ASB3: variants seen among roughly 807,000 people sequenced by gnomAD.
The protein encoded by ASB3 is ankyrin repeat and SOCS box protein 3.
A neutral mutation model predicts 54.5 loss-of-function variants in ASB3; 41 were observed. The observed-to-expected ratio is 0.75, with a 90% CI of 0.59 to 0.98. The LOEUF (loss-of-function observed/expected upper bound fraction) is 0.98, where lower values mean the gene tolerates loss of function less well. Among genes scored for constraint, ASB3 ranks in the 50% least tolerant of loss-of-function variants. ASB3 has a pLI of 0.00. For synonymous variants in ASB3, 266 were observed against 221.2 expected, an observed-to-expected ratio of 1.20 and a Z score of -1.80; for missense variants, 733 against 620.0, an observed-to-expected ratio of 1.18 and a Z score of -1.94.
At chr2:53,775,628 A>G (rs1674286803) in intron 1 of ASB3, among the ~76,000 whole-genome samples, 1 of 152,182 alleles carries the variant, frequency 6.6e-6, no homozygotes, top group South Asian at 2.1e-4. Context: ...GGCATGTGCC[A>G]CCACGCCCGG....
intron 1 of ASB3, among the ~76,000 whole-genome samples, chr2:53,784,151 AATG>A (rs370779840): frequency 2.3e-4 from 35 of 152,366 alleles, no homozygotes; most frequent in African/African-American, 8.4e-4. Context: ...TTTTATAGCG[AATG>A]ATGATTGTAT....
chr2:53,684,832 A>T lies in ASB3; in HGVS notation c.1369+9052T>A, dbSNP rs565218916. Among the ~76,000 whole-genome samples, 78 of 152,342 alleles carry T rather than the reference A, an allele frequency of 5.1e-4. 1 individual carries two copies. In the South Asian group the frequency reaches 0.015, roughly 30 times the overall value. On this transcript the variant is annotated intron_variant, in intron 9 of 9. Transcript: ENST00000263634. ...AGACCCTTAATGTAGCCAATATGTA[A>T]AAGAGAGAGGAAATGGTTAGAAGAG...
At chr2:53,710,579 G>A (rs1372738514) in intron 7 of ASB3, among the ~76,000 whole-genome samples, 1 of 152,214 alleles carries the variant, frequency 6.6e-6, no homozygotes, top group African/African-American at 2.4e-5. Context: ...CATTGTGAAT[G>A]TTATGCTGTA....
intron 3 of ASB3, among the ~76,000 whole-genome samples, chr2:53,744,002 C>G (rs1318327161): frequency 1.3e-5 from 2 of 150,328 alleles, no homozygotes; most frequent in Non-Finnish European, 2.9e-5. Context: ...GAGATCGCAC[C>G]ACTGCACTCC....
At chr2:53,717,515 T>C (rs976812466) in intron 5 of ASB3, among the ~76,000 whole-genome samples, 8 of 151,868 alleles carry the variant, frequency 5.3e-5, no homozygotes, top group African/African-American at 1.5e-4. Flanking sequence ...AATAATATTA[T>C]AGTGAAAGAA....
chr2:53,699,344 G>A (rs1440641089), intron 8 of ASB3, among the ~76,000 whole-genome samples: 1 of 152,202 alleles, frequency 6.6e-6, no homozygotes, highest in Non-Finnish European at 1.5e-5. Flanking sequence ...AACCACAGCA[G>A]TAGGTATCAG....
intron 5 of ASB3, among the ~76,000 whole-genome samples, chr2:53,718,590 A>G (rs1191972008): frequency 6.6e-6 from 1 of 152,194 alleles, no homozygotes; most frequent in Non-Finnish European, 1.5e-5. Context: ...CAAAGACCCC[A>G]TAATACAATC....
intron 2 of ASB3, among the ~76,000 whole-genome samples, chr2:53,755,172 C>T (rs1005249126): frequency 9.2e-5 from 14 of 152,238 alleles, no homozygotes; most frequent in Admixed American, 8.5e-4. Flanking sequence ...AGGTCTTTCA[C>T]AACTTGTGAG....
At chr2:53,782,207 G>A (rs1345836261) in intron 1 of ASB3, among the ~76,000 whole-genome samples, 1 of 151,878 alleles carries the variant, frequency 6.6e-6, no homozygotes, top group Non-Finnish European at 1.5e-5. Flanking sequence ...AAAAACAATG[G>A]ATTACTCACT....
intron 2 of ASB3, among the ~76,000 whole-genome samples, chr2:53,764,560 T>C (rs1341957802): frequency 6.6e-6 from 1 of 152,226 alleles, no homozygotes; most frequent in East Asian, 1.9e-4. Context: ...GTTTTCTTCC[T>C]ACCCCCTCTA....
intron 7 of ASB3, among the ~76,000 whole-genome samples, chr2:53,701,180 G>T (rs1039469882): frequency 6.6e-6 from 1 of 151,856 alleles, no homozygotes; most frequent in African/African-American, 2.4e-5. Flanking sequence ...TCACTATGTT[G>T]CCCAGGCTGG....
At chr2:53,708,618 A>G (rs140782360) in intron 7 of ASB3, among the ~76,000 whole-genome samples, 1,744 of 152,304 alleles carry the variant, frequency 0.011, 31 homozygotes, top group African/African-American at 0.039. Flanking sequence ...CTCCCTGAAG[A>G]CTGGTTAAAT....
intron 5 of ASB3, among the ~76,000 whole-genome samples, chr2:53,723,921 AC>A (rs1055264156): frequency 1.2e-4 from 18 of 152,208 alleles, no homozygotes; most frequent in Admixed American, 1.1e-3. Flanking sequence ...TTCACTATAT[AC>A]AAAAATCAAC....
intron 9 of ASB3, among the ~76,000 whole-genome samples, chr2:53,672,114 A>G (rs537528439): frequency 5.3e-5 from 8 of 152,328 alleles, no homozygotes; most frequent in Admixed American, 1.3e-4. Flanking sequence ...TTACTAGTTT[A>G]GGTTTAGTTT....
In ASB3 at chr2:53,719,320, C is replaced by T. The variant is rs1163109216; in HGVS notation, c.605-2577G>A. 2.0e-5 allele frequency among the ~76,000 whole-genome samples: 3 copies of T among 152,298 alleles called. No individual in the cohort carries two copies. The East Asian group carries it at 5.8e-4, about 29-fold the overall frequency. On this transcript the variant is annotated intron_variant, in intron 5 of 9. Transcript: ENST00000263634. ...CCTATAAGCCCAGAGCTTTGAGAGG[C>T]CGAAGTATGACAGAGCAGGAGTATC...
intron 9 of ASB3, among the ~76,000 whole-genome samples, chr2:53,676,832 C>A (rs547952724): frequency 6.6e-6 from 1 of 152,180 alleles, no homozygotes. Flanking sequence ...TGCAGTGGCA[C>A]GATCTCAGCT....
chr2:53,754,186 T>C (rs1410358598), intron 2 of ASB3, among the ~76,000 whole-genome samples: 1 of 152,208 alleles, frequency 6.6e-6, no homozygotes, highest in East Asian at 1.9e-4. Flanking sequence ...TATTGGATTG[T>C]AACCTAAAGT....
Position 53,721,430 on chromosome 2 carries a change from A to ACATAGTGG in ASB3, c.605-4695_605-4688dup, listed in dbSNP as rs144523322. On this transcript the variant is annotated intron_variant, in intron 5 of 9. Coordinates refer to ENST00000263634, the MANE Select transcript of ASB3 (RefSeq NM_016115.5). ...AAAAAAAAAAAAAAAAATTAGCCAG[A>ACATAGTGG]CATAGTGGTGTGTGCCTATAGTCCC... Among the ~76,000 whole-genome samples, 712 of 149,348 alleles carry ACATAGTGG rather than the reference A, an allele frequency of 4.8e-3. 30 individuals carry two copies. In the East Asian group the frequency reaches 0.13, roughly 27 times the overall value.
At chr2:53,738,822 T>C (rs1398677606) in intron 3 of ASB3, among the ~76,000 whole-genome samples, 1 of 152,076 alleles carries the variant, frequency 6.6e-6, no homozygotes, top group African/African-American at 2.4e-5. Flanking sequence ...TGGTATCCAA[T>C]AGGGACCAGA....
Sources: allele counts gnomAD v4.1 joint callset (sites outside exome capture counted in the v4.1 genomes callset), GRCh38; gene constraint gnomAD v4.1.1; transcripts MANE v1.5; gene names NCBI Gene and HGNC (gene_info 2026-07-23, HGNC 2026-07-21).